KAZN: variants seen among roughly 807,000 people sequenced by gnomAD.
The protein encoded by KAZN is kazrin, periplakin interacting protein.
KAZN carries 40 observed loss-of-function variants against 87.4 expected under a neutral mutation model. The observed-to-expected ratio is 0.46, with a 90% CI of 0.36 to 0.60. The LOEUF (loss-of-function observed/expected upper bound fraction) is 0.60. Among genes scored for constraint, KAZN ranks in the 20% least tolerant of loss-of-function variants. The pLI, the probability that KAZN is intolerant of heterozygous loss-of-function variation, is 0.00. For missense variants in KAZN, 898 were observed against 1,073.9 expected, an observed-to-expected ratio of 0.84 and a Z score of 2.29; for synonymous variants, 466 against 458.3, an observed-to-expected ratio of 1.02 and a Z score of -0.22.
intron 2 of KAZN, among the ~76,000 whole-genome samples, chr1:14,394,170 C>T (rs547589286): frequency 6.6e-6 from 1 of 152,166 alleles, no homozygotes; most frequent in Admixed American, 6.5e-5. Flanking sequence ...AGTGCGTTAA[C>T]GCAATGATGC....
chr1:14,888,180 G>A (rs537467813), intron 1 of KAZN, among the ~76,000 whole-genome samples: 13 of 152,274 alleles, frequency 8.5e-5, no homozygotes, highest in African/African-American at 4.8e-5. Flanking sequence ...AGCGTGCCTC[G>A]CCGGAGCGGT....
chr1:14,441,314 T>C lies in KAZN; in HGVS notation c.250-157669T>C, dbSNP rs148626565. ...CCCTGAAACTAAAGTTATGCTGAAC[T>C]TCCATTAGCATTATCTGGAACTGGA... On this transcript the variant is annotated intron_variant, in intron 2 of 16. Transcript: ENST00000636203. Among the ~76,000 whole-genome samples, 3 of 152,176 alleles carry C rather than the reference T, an allele frequency of 2.0e-5. No homozygotes were observed. In the East Asian group the frequency reaches 5.8e-4, roughly 29 times the overall value.
chr1:14,619,796 C>A (rs1228063668), intron 1 of KAZN, among the ~76,000 whole-genome samples: 1 of 152,138 alleles, frequency 6.6e-6, no homozygotes, highest in Non-Finnish European at 1.5e-5. Context: ...AACATGTGAC[C>A]TTTTGTGACT....
At chr1:14,365,657 C>T (rs547221449) in intron 2 of KAZN, among the ~76,000 whole-genome samples, 1 of 152,236 alleles carries the variant, frequency 6.6e-6, no homozygotes, top group Non-Finnish European at 1.5e-5. Context: ...CGTCCCCAGC[C>T]TCTACTCACT....
intron 1 of KAZN, among the ~76,000 whole-genome samples, chr1:14,921,218 G>A (rs868205786): frequency 1.3e-5 from 2 of 151,244 alleles, no homozygotes; most frequent in Middle Eastern, 6.8e-3. Context: ...AAACTGCACT[G>A]AGTAAAAGTT....
chr1:14,098,703 T>A (rs746457493), intron 1 of KAZN, among the ~76,000 whole-genome samples: 28 of 152,330 alleles, frequency 1.8e-4, no homozygotes, highest in Non-Finnish European at 3.1e-4. Flanking sequence ...CTTCCCTGAG[T>A]AGCTCCACTG....
intron 1 of KAZN, among the ~76,000 whole-genome samples, chr1:14,694,822 T>A (rs1641507307): frequency 6.6e-6 from 1 of 152,188 alleles, no homozygotes; most frequent in Non-Finnish European, 1.5e-5. Flanking sequence ...ATGACACACT[T>A]AAGAGGCATT....
rs117478356 is a variant in KAZN, at chr1:14,929,771, G to A, written c.227-30913G>A. On this transcript the variant is annotated intron_variant, in intron 1 of 14. Transcript: ENST00000376030. The stretch of plus-strand genomic sequence containing the variant: ...TTTACTCTCCGTGAGTGCGTCTTAT[G>A]TTGCGGGTGCCAGATGAGTGCCTTT... 1.8e-3 allele frequency: 1,743 copies of A among 985,468 alleles called. 43 individuals carry two copies. The South Asian group carries it at 0.049, about 27-fold the overall frequency. The allele number at this position is 985,468 out of a possible 1,614,324, so 61.0% of individuals were successfully genotyped here. A position where few individuals can be genotyped will look rare whatever the true frequency, so the allele number is the denominator to read the frequency against.
chr1:14,852,451 G>T (rs901956824), intron 1 of KAZN, among the ~76,000 whole-genome samples: 6 of 152,204 alleles, frequency 3.9e-5, no homozygotes, highest in Non-Finnish European at 7.3e-5. Context: ...AATCCTTCCC[G>T]GGAGGCAGCA....
chr1:14,280,419 G>A lies in KAZN; in HGVS notation c.249+99827G>A, dbSNP rs1000157077. Among the ~76,000 whole-genome samples, 9 of 150,398 alleles carry A rather than the reference G, an allele frequency of 6.0e-5. No homozygotes were observed. In the East Asian group the frequency reaches 7.8e-4, roughly 13 times the overall value. ...AAAAAGACGAGGTTGCATTGGAGTC[G>A]GTGGGCCCAATCCGATATGACTGGT... is the stretch of plus-strand genomic sequence containing the variant. On this transcript the variant is annotated intron_variant, in intron 2 of 16. Coordinates refer to the KAZN transcript ENST00000636203.
chr1:14,644,429 T>C (rs1012645157), intron 1 of KAZN, among the ~76,000 whole-genome samples: 1 of 151,256 alleles, frequency 6.6e-6, no homozygotes, highest in African/African-American at 2.4e-5. Context: ...TGGTGTGATC[T>C]CGGCTCACTG....
At chr1:14,489,117 T>C (rs768793418) in intron 2 of KAZN, among the ~76,000 whole-genome samples, 3 of 152,232 alleles carry the variant, frequency 2.0e-5, no homozygotes, top group African/African-American at 2.4e-5. Flanking sequence ...TTTTCGTCTT[T>C]TTAAAAATAA....
chr1:13,974,383 C>G (rs1461348094), intron 1 of KAZN, among the ~76,000 whole-genome samples: 1 of 152,188 alleles, frequency 6.6e-6, no homozygotes, highest in African/African-American at 2.4e-5. Flanking sequence ...AAAATGGTGC[C>G]TTTAAAGATC....
chr1:14,015,129 T>C (rs1277708116), intron 1 of KAZN, among the ~76,000 whole-genome samples: 1 of 152,222 alleles, frequency 6.6e-6, no homozygotes, highest in African/African-American at 2.4e-5. Flanking sequence ...TTAACACAGA[T>C]GATATAAAAA....
intron 2 of KAZN, among the ~76,000 whole-genome samples, chr1:14,970,345 G>A (rs962385552): frequency 2.0e-5 from 3 of 152,060 alleles, no homozygotes; most frequent in East Asian, 1.9e-4. Context: ...TCACGTGGGC[G>A]GGGCTCTGCA....
At chr1:14,417,719 G>A (rs893320235) in intron 2 of KAZN, among the ~76,000 whole-genome samples, 20 of 151,986 alleles carry the variant, frequency 1.3e-4, no homozygotes, top group African/African-American at 3.1e-4. Context: ...ACATCGGGCC[G>A]GGTGTGGTGG....
intron 1 of KAZN, among the ~76,000 whole-genome samples, chr1:14,102,409 T>A (rs1207150517): frequency 1.3e-5 from 2 of 151,902 alleles, no homozygotes; most frequent in Non-Finnish European, 2.9e-5. Context: ...CCAATGGCCA[T>A]GGTGTCCACC....
chr1:14,776,974 G>A (rs931399664), intron 1 of KAZN, among the ~76,000 whole-genome samples: 1 of 150,222 alleles, frequency 6.7e-6, no homozygotes, highest in Non-Finnish European at 1.5e-5. Flanking sequence ...TTTGAAGTCG[G>A]TATTTCTTCT....
At chr1:14,793,002 A>C in intron 1 of KAZN, among the ~76,000 whole-genome samples, 1 of 150,022 alleles carries the variant, frequency 6.7e-6, no homozygotes, top group African/African-American at 2.5e-5. Context: ...CATTCAGGAC[A>C]CAGTTGGCGG....
Sources: allele counts gnomAD v4.1 joint callset (sites outside exome capture counted in the v4.1 genomes callset), GRCh38; gene constraint gnomAD v4.1.1; transcripts MANE v1.5; gene names NCBI Gene and HGNC (gene_info 2026-07-23, HGNC 2026-07-21).